The following BCAS4 variants were observed in gnomAD, a reference collection of about 807,000 sequenced individuals.
BCAS4 encodes breast carcinoma amplified sequence 4, also known as breast carcinoma-amplified sequence 4.
A neutral mutation model predicts 15.7 loss-of-function variants in BCAS4; 9 were observed. The ratio of observed to expected loss-of-function variants is 0.57; its 90% confidence interval spans 0.34 to 1.00. BCAS4 has a LOEUF of 1.00. Among genes scored for constraint, BCAS4 ranks in the 50% least tolerant of loss-of-function variants. The pLI, the probability that BCAS4 is intolerant of heterozygous loss-of-function variation, is 0.02. For missense variants in BCAS4, 225 were observed against 239.1 expected, an observed-to-expected ratio of 0.94 and a Z score of 0.39; for synonymous variants, 101 against 99.5, an observed-to-expected ratio of 1.02 and a Z score of -0.09.
intron 2 of BCAS4, among the ~76,000 whole-genome samples, chr20:50,827,485 A>T (rs1331146680): frequency 6.6e-6 from 1 of 152,154 alleles, no homozygotes; most frequent in East Asian, 1.9e-4. Flanking sequence ...TCCTCTGCAC[A>T]TATTAGGTTT....
chr20:50,851,579 G>A lies in BCAS4; in HGVS notation c.399+9679G>A, dbSNP rs1314209812. On this transcript the variant is annotated intron_variant, in intron 4 of 4. Transcript: ENST00000371608. The surrounding 1 kb of genome is among the most constrained non-coding windows in gnomAD (Gnocchi z 4.3). ...GGGGGTGCTGTTTGTTGGGCCCTATGTGGAAGCACCCCAACTTTGCCCTGG... is the reference window on the plus strand; with the variant it reads ...GGGGGTGCTGTTTGTTGGGCCCTATATGGAAGCACCCCAACTTTGCCCTGG... Among the ~76,000 whole-genome samples the A allele has an allele frequency of 6.6e-6, 1 of 152,164 alleles. No homozygotes were observed. The highest frequency in any genetic ancestry group is 2.1e-4 in the South Asian group (1 of 4,828).
At chr20:50,859,755 G>A (rs1978970928) in intron 4 of BCAS4, among the ~76,000 whole-genome samples, 1 of 152,158 alleles carries the variant, frequency 6.6e-6, no homozygotes, top group Non-Finnish European at 1.5e-5. Context: ...GGCAGGAGGA[G>A]GTGGGGAGGT....
At chr20:50,881,207 G>T (rs1328164631), downstream of BCAS4, 1 of 152,130 alleles carries the variant, frequency 6.6e-6, no homozygotes, top group Non-Finnish European at 1.5e-5. Flanking sequence ...TCCAGCCTGG[G>T]TGACAAAGTG....
At chr20:50,831,862 C>T (rs1276521820) in intron 3 of BCAS4, among the ~76,000 whole-genome samples, 1 of 152,148 alleles carries the variant, frequency 6.6e-6, no homozygotes, top group Non-Finnish European at 1.5e-5. Flanking sequence ...AGGGAGCAGG[C>T]GTGGCTGTCA....
At position 50,852,956 on chromosome 20, in the gene BCAS4, G is replaced by A. The variant is rs529745544; in HGVS notation, c.399+11056G>A. 1.4e-4 allele frequency among the ~76,000 whole-genome samples: 22 copies of A among 152,194 alleles called. No individual in the cohort carries two copies. In the South Asian group the frequency reaches 3.5e-3, roughly 24 times the overall value. On this transcript the variant is annotated intron_variant, in intron 4 of 4. Transcript: ENST00000371608. The stretch of plus-strand genomic sequence containing the variant: ...GGATGTGAGGGGTGCCAGGGCCCAC[G>A]GCTGGTCTGGGTTCACTTTGCAAAA...
chr20:50,863,579 C>T (rs1979205026), intron 4 of BCAS4, among the ~76,000 whole-genome samples: 1 of 152,078 alleles, frequency 6.6e-6, no homozygotes. Context: ...ATTTTCAATA[C>T]TTTTTTGTGG....
intron 4 of BCAS4, among the ~76,000 whole-genome samples, chr20:50,875,487 G>A (rs1240484731): frequency 2.6e-5 from 4 of 152,096 alleles, no homozygotes; most frequent in African/African-American, 4.8e-5. Context: ...AGTCCTGGCC[G>A]GGCGCGGTGG....
At chr20:50,841,339 T>C (rs1264995195) in intron 3 of BCAS4, among the ~76,000 whole-genome samples, 1 of 152,182 alleles carries the variant, frequency 6.6e-6, no homozygotes, top group Admixed American at 6.6e-5. Flanking sequence ...AGATGAAAAG[T>C]ACAAATAAAT....
intron 4 of BCAS4, among the ~76,000 whole-genome samples, chr20:50,859,752 G>A (rs1196966149): frequency 2.0e-5 from 3 of 152,180 alleles, no homozygotes; most frequent in East Asian, 3.8e-4. Context: ...GGGGGCAGGA[G>A]GAGGTGGGGA....
At chr20:50,859,544 G>A (rs1978958622) in intron 4 of BCAS4, among the ~76,000 whole-genome samples, 1 of 128,374 alleles carries the variant, frequency 7.8e-6, no homozygotes, top group African/African-American at 3.7e-5. Context: ...TCTGGGGGAG[G>A]GAAGAAGTGG....
chr20:50,804,319 A>G (rs1298301729), intron 1 of BCAS4, among the ~76,000 whole-genome samples: 2 of 152,308 alleles, frequency 1.3e-5, no homozygotes, highest in African/African-American at 4.8e-5. Context: ...GATTATAGGT[A>G]TGAGCCACTG....
intron 4 of BCAS4, among the ~76,000 whole-genome samples, chr20:50,872,161 G>A (rs1979676737): frequency 6.6e-6 from 1 of 151,482 alleles, no homozygotes; most frequent in African/African-American, 2.4e-5. Context: ...CTACTCAGGA[G>A]GCTGAGGCAG....
chr20:50,803,983 G>A (rs748802417), intron 1 of BCAS4, among the ~76,000 whole-genome samples: 7 of 152,098 alleles, frequency 4.6e-5, no homozygotes, highest in Admixed American at 3.9e-4. Flanking sequence ...CTGGGGGCTG[G>A]TAGAAAATGA....
chr20:50,796,544 G>A (rs1339014634), intron 1 of BCAS4, among the ~76,000 whole-genome samples: 2 of 104,510 alleles, frequency 1.9e-5, no homozygotes, highest in Admixed American at 1.3e-4. Flanking sequence ...CACCAGGCTG[G>A]AGTGCATTGG....
At chr20:50,826,635 C>T (rs1419719790) in intron 2 of BCAS4, among the ~76,000 whole-genome samples, 1 of 152,100 alleles carries the variant, frequency 6.6e-6, no homozygotes, top group Non-Finnish European at 1.5e-5. Flanking sequence ...TCTTGAGCTC[C>T]TGGCCTCCAT....
At chr20:50,846,679 T>C (rs2088549781) in intron 4 of BCAS4, 1 of 143,850 alleles carries the variant, frequency 7.0e-6, no homozygotes. Context: ...AGTGGTGCAA[T>C]CTTGGCTCAC....
chr20:50,800,859 G>A (rs1323131666), intron 1 of BCAS4, among the ~76,000 whole-genome samples: 1 of 152,092 alleles, frequency 6.6e-6, no homozygotes, highest in Non-Finnish European at 1.5e-5. Context: ...ACCGCGCCTG[G>A]CGAACTTTTG....
intron 4 of BCAS4, among the ~76,000 whole-genome samples, chr20:50,853,771 A>C (rs1272366729): frequency 6.4e-5 from 8 of 125,442 alleles, no homozygotes; most frequent in South Asian, 2.5e-4. Context: ...TGTTTTGTGT[A>C]CTGGAGGGTG....
intron 4 of BCAS4, among the ~76,000 whole-genome samples, chr20:50,848,541 G>T (rs2088574730): frequency 6.6e-6 from 1 of 152,226 alleles, no homozygotes; most frequent in Admixed American, 6.5e-5. Flanking sequence ...AGATTGTGCA[G>T]GGTCTCAAGG....
Sources: allele counts gnomAD v4.1 joint callset (sites outside exome capture counted in the v4.1 genomes callset), GRCh38; gene constraint gnomAD v4.1.1; non-coding constraint Gnocchi (gnomAD v3.1); transcripts MANE v1.5; gene names NCBI Gene and HGNC (gene_info 2026-07-23, HGNC 2026-07-21).